Variants in INPP4B observed in about 807,000 individuals in gnomAD.
INPP4B encodes inositol polyphosphate 4-phosphatase type II.
Under a neutral mutation model 122.5 loss-of-function variants are expected in INPP4B, and 55 were observed. The observed-to-expected ratio is 0.45, with a 90% CI of 0.36 to 0.56. INPP4B has a LOEUF of 0.56. Among genes scored for constraint, INPP4B ranks in the 20% least tolerant of loss-of-function variants. INPP4B has a pLI of 0.00. For synonymous variants in INPP4B, 403 were observed against 388.7 expected, an observed-to-expected ratio of 1.04 and a Z score of -0.43; for missense variants, 1,000 against 1,097.7, an observed-to-expected ratio of 0.91 and a Z score of 1.26.
At chr4:142,227,856 T>TAAAATA (rs1852247013) in intron 12 of INPP4B, among the ~76,000 whole-genome samples, 1 of 34,236 alleles carries the variant, frequency 2.9e-5, no homozygotes, top group Non-Finnish European at 5.6e-5. Context: ...AGACTCTATC[T>TAAAATA]AAAAAAAAAA....
Position 142,050,935 on chromosome 4 carries a change from A to C in INPP4B, c.2643-22021T>G, listed in dbSNP as rs114455928. ...GAGGAACCCATAGATTTAATTACAT[A>C]CAGATAATTATTAAAGAGATTATCT... On this transcript the variant is annotated intron_variant, in intron 25 of 25. Transcript: ENST00000262992. 7.5e-3 allele frequency among the ~76,000 whole-genome samples: 1,134 copies of C among 152,116 alleles called. 11 individuals are homozygous for C. Among genetic ancestry groups the C allele is most frequent in the Non-Finnish European group, 0.013 (851 of 67,934 alleles).
intron 3 of INPP4B, among the ~76,000 whole-genome samples, chr4:142,453,102 G>A (rs527396578): frequency 1.3e-5 from 2 of 152,070 alleles, no homozygotes; most frequent in African/African-American, 2.4e-5. Flanking sequence ...GTGACTTCTA[G>A]CATCCTATCT....
At chr4:142,671,934 G>T (rs973492327) in intron 2 of INPP4B, among the ~76,000 whole-genome samples, 2 of 151,904 alleles carry the variant, frequency 1.3e-5, no homozygotes, top group Non-Finnish European at 2.9e-5. Flanking sequence ...CTCTATTCTC[G>T]ATGCCTAGCA....
intron 7 of INPP4B, among the ~76,000 whole-genome samples, chr4:142,369,941 A>G (rs1789202758): frequency 6.6e-6 from 1 of 151,876 alleles, no homozygotes. Flanking sequence ...CAAAAAAAAA[A>G]AAAAAAAAAT....
intron 1 of INPP4B, among the ~76,000 whole-genome samples, chr4:142,837,691 G>A (rs1329052757): frequency 6.6e-6 from 1 of 152,084 alleles, no homozygotes; most frequent in African/African-American, 2.4e-5. Flanking sequence ...TACTGGTGAG[G>A]ATGGCAAAAT....
At position 142,122,133 on chromosome 4, in the gene INPP4B, T is replaced by G; in HGVS notation, c.2130A>C (p.Gly710=). Residue 710 remains glycine, a synonymous_variant, in exon 21 of 26, where the codon GGA becomes GGC. Transcript: ENST00000262992. ...KSNDVLPVIT[G]RREHYVVEVK... ...AGGAAGTGAGCACTGCTTACCGTCT[T>G]CCTGTTATAACTGGCAACACATCAT... The G allele has an allele frequency of 6.2e-7, 1 of 1,603,908 alleles. No homozygotes were observed. Among genetic ancestry groups the G allele is most frequent in the Non-Finnish European group, 8.5e-7 (1 of 1,172,590 alleles).
chr4:142,690,693 A>C (rs1760050251), intron 2 of INPP4B, among the ~76,000 whole-genome samples: 1 of 152,174 alleles, frequency 6.6e-6, no homozygotes, highest in South Asian at 2.1e-4. Flanking sequence ...CACTCCTGCA[A>C]GAGAACCTCC....
chr4:142,640,690 C>G (rs1343237447), intron 2 of INPP4B, among the ~76,000 whole-genome samples: 1 of 151,766 alleles, frequency 6.6e-6, no homozygotes, highest in Non-Finnish European at 1.5e-5. Flanking sequence ...CTAGATAAGA[C>G]ATTCGCAACA....
chr4:142,404,258 C>A (rs1022262321), intron 6 of INPP4B, among the ~76,000 whole-genome samples: 1 of 152,152 alleles, frequency 6.6e-6, no homozygotes, highest in Non-Finnish European at 1.5e-5. Flanking sequence ...CAGTCTGAAT[C>A]ATTTATTCCA....
chr4:142,560,895 A>T (rs1312976442), intron 2 of INPP4B, among the ~76,000 whole-genome samples: 1 of 152,200 alleles, frequency 6.6e-6, no homozygotes, highest in Non-Finnish European at 1.5e-5. Context: ...AGTCAAGTTG[A>T]CACTCAATAT....
intron 1 of INPP4B, among the ~76,000 whole-genome samples, chr4:142,765,518 G>A (rs1415376457): frequency 6.6e-6 from 1 of 152,072 alleles, no homozygotes; most frequent in Non-Finnish European, 1.5e-5. Flanking sequence ...GGTGGAAGGT[G>A]GTCCTTGTAA....
At chr4:142,534,647 A>G (rs1248187567) in intron 2 of INPP4B, among the ~76,000 whole-genome samples, 3 of 150,966 alleles carry the variant, frequency 2.0e-5, no homozygotes, top group African/African-American at 7.3e-5. Context: ...TACTTATGGT[A>G]CAAATAGGAT....
intron 2 of INPP4B, among the ~76,000 whole-genome samples, chr4:142,511,749 G>T (rs1215183454): frequency 6.6e-6 from 1 of 151,988 alleles, no homozygotes; most frequent in Non-Finnish European, 1.5e-5. Flanking sequence ...GAGAACCAAT[G>T]CTTTAAAAAA....
At chr4:142,047,781 C>T (rs2152375438) in intron 25 of INPP4B, among the ~76,000 whole-genome samples, 1 of 152,052 alleles carries the variant, frequency 6.6e-6, no homozygotes, top group African/African-American at 2.4e-5. Context: ...AGAAAGATAG[C>T]ACAGATATGA....
chr4:142,458,955 C>G (rs1249453032), intron 3 of INPP4B, among the ~76,000 whole-genome samples: 1 of 152,164 alleles, frequency 6.6e-6, no homozygotes, highest in Non-Finnish European at 1.5e-5. Context: ...TGCTGCAGAG[C>G]CTGGCTCCCG....
At chr4:142,664,326 G>A (rs62331883) in intron 2 of INPP4B, among the ~76,000 whole-genome samples, 1,643 of 152,070 alleles carry the variant, frequency 0.011, 11 homozygotes, top group Non-Finnish European at 0.017. Context: ...TCTTCTCCCC[G>A]CTAAGGCCAG....
At chr4:142,786,100 A>G (rs1479482263) in intron 1 of INPP4B, among the ~76,000 whole-genome samples, 1 of 152,100 alleles carries the variant, frequency 6.6e-6, no homozygotes, top group African/African-American at 2.4e-5. Flanking sequence ...ACACCCCAGC[A>G]AAAACAAATA....
intron 11 of INPP4B, among the ~76,000 whole-genome samples, chr4:142,254,113 C>T (rs557734191): frequency 2.0e-5 from 3 of 152,016 alleles, no homozygotes; most frequent in Non-Finnish European, 2.9e-5. Flanking sequence ...CTCACACGGC[C>T]GGTACTCCAA....
chr4:142,632,595 T>A (rs34234953), intron 2 of INPP4B, among the ~76,000 whole-genome samples: 3 of 151,950 alleles, frequency 2.0e-5, no homozygotes, highest in African/African-American at 7.3e-5. Context: ...TGCGAATATC[T>A]ACATAAATAT....
Sources: gnomAD v4.1 joint callset for allele counts (sites outside exome capture counted in the v4.1 genomes callset) on GRCh38, gnomAD v4.1.1 for gene constraint, MANE v1.5 for transcripts, NCBI Gene and HGNC (gene_info 2026-07-23, HGNC 2026-07-21) for gene names.